Variants in MAD1L1 observed in about 807,000 individuals in gnomAD.
The protein encoded by MAD1L1 is mitotic arrest deficient 1 like 1, also known as mitotic spindle assembly checkpoint protein MAD1.
Under a neutral mutation model 96.9 loss-of-function variants are expected in MAD1L1, and 95 were observed. The observed-to-expected ratio is 0.98, with a 90% CI of 0.83 to 1.16. The LOEUF (loss-of-function observed/expected upper bound fraction) is 1.16. Ranked by LOEUF, MAD1L1 falls within the 50% of genes most tolerant of loss-of-function variation. MAD1L1 has a pLI of 0.00. For missense variants in MAD1L1, 1,007 were observed against 954.4 expected (o/e 1.06, Z -0.73); for synonymous variants, 473 against 396.6 (o/e 1.19, Z -2.29).
intron 11 of MAD1L1, among the ~76,000 whole-genome samples, chr7:2,120,750 G>A (rs1176607619): frequency 6.6e-6 from 1 of 152,222 alleles, no homozygotes; most frequent in Non-Finnish European, 1.5e-5. Context: ...AAGAAAGACA[G>A]GGGGTGCGGG....
chr7:1,833,184 A>G (rs1782792049), intron 18 of MAD1L1, among the ~76,000 whole-genome samples: 1 of 152,256 alleles, frequency 6.6e-6, no homozygotes, highest in Non-Finnish European at 1.5e-5. Flanking sequence ...CATAACTTTT[A>G]TATGCACTGG....
chr7:2,158,645 T>C (rs1789956865), intron 10 of MAD1L1, among the ~76,000 whole-genome samples: 1 of 152,196 alleles, frequency 6.6e-6, no homozygotes, highest in Non-Finnish European at 1.5e-5. Context: ...CATTCACAAC[T>C]GCAAAGTCAC....
chr7:2,100,629 G>A (rs992286309), intron 11 of MAD1L1, among the ~76,000 whole-genome samples: 7 of 152,406 alleles, frequency 4.6e-5, no homozygotes, highest in Middle Eastern at 3.4e-3. Flanking sequence ...ACCGGAAGGC[G>A]TCCTTGGAAA....
chr7:1,958,011 C>T (rs906408589), intron 15 of MAD1L1, among the ~76,000 whole-genome samples: 31 of 152,164 alleles, frequency 2.0e-4, no homozygotes, highest in African/African-American at 5.3e-4. Flanking sequence ...GGAACCAGCC[C>T]GAGGCAGGAC....
Position 2,014,920 on chromosome 7 carries a change from C to T in MAD1L1, c.1219-278G>A, listed in dbSNP as rs571567792. On this transcript the variant is annotated intron_variant, in intron 12 of 18. Transcript: ENST00000265854. ...ACTACAGCGGGTGTGGGCTCCACCT[C>T]GTACCGGCAGTATGGCTATGGGGTC... Among the ~76,000 whole-genome samples the T allele has an allele frequency of 5.8e-4, 88 of 152,364 alleles. 1 individual carries two copies. Among genetic ancestry groups the T allele is most frequent in the Admixed American group, 1.2e-3 (19 of 15,310 alleles).
At chr7:2,012,292 G>A (rs1337532551) in intron 13 of MAD1L1, among the ~76,000 whole-genome samples, 4 of 152,180 alleles carry the variant, frequency 2.6e-5, no homozygotes, top group African/African-American at 9.7e-5. Flanking sequence ...GGCCAGGCCC[G>A]TGACGAGCCA....
At position 1,857,069 on chromosome 7, in the gene MAD1L1, T is replaced by G. The variant is rs560484661; in HGVS notation, c.1999-40841A>C. 2.6e-5 allele frequency among the ~76,000 whole-genome samples: 4 copies of G among 152,204 alleles called. 1 individual carries two copies. The highest frequency in any genetic ancestry group is 2.6e-4 in the Admixed American group (4 of 15,298). On this transcript the variant is annotated intron_variant, in intron 18 of 18. Coordinates refer to ENST00000265854, the MANE Select transcript of MAD1L1 (RefSeq NM_001013836.2). ...CGAGGAGCTGCGGGGAGCAGACTGG[T>G]GGGGCAGGCAGGACAGTGTCAGGGT...
At chr7:2,204,320 G>A (rs913030409) in intron 10 of MAD1L1, among the ~76,000 whole-genome samples, 1 of 152,174 alleles carries the variant, frequency 6.6e-6, no homozygotes, top group African/African-American at 2.4e-5. Context: ...GTCTGCTGTT[G>A]ACAGGCCAGC....
chr7:2,121,808 A>G (rs1411128270), intron 11 of MAD1L1, among the ~76,000 whole-genome samples: 1 of 152,076 alleles, frequency 6.6e-6, no homozygotes, highest in Non-Finnish European at 1.5e-5. Context: ...CTGTCCCTCC[A>G]GACGGTGAGG....
At chr7:1,902,049 G>A (rs1787278632) in intron 17 of MAD1L1, among the ~76,000 whole-genome samples, 1 of 152,194 alleles carries the variant, frequency 6.6e-6, no homozygotes, top group African/African-American at 2.4e-5. Context: ...TGTTCAAGTG[G>A]GAGTCAGAGA....
intron 10 of MAD1L1, 114 bp downstream of exon 10, chr7:2,213,098 C>T: frequency 9.0e-7 from 1 of 1,113,834 alleles, no homozygotes; most frequent in Non-Finnish European, 1.3e-6. Context: ...TGCCCCGCAC[C>T]AGCCACAGAG....
rs551114875 is a variant in MAD1L1 at position 1,986,487 on chromosome 7, G to A, written c.1417-5946C>T. On this transcript the variant is annotated intron_variant, in intron 14 of 18. Coordinates refer to ENST00000265854, the MANE Select transcript of MAD1L1 (RefSeq NM_001013836.2). Reference sequence around the variant, plus strand: ...CGCCGGCAAGGGAGTTCTACTCCGCGGCTCCCTCGCGCCGGCAAGGGGGTT... The same window carrying A: ...CGCCGGCAAGGGAGTTCTACTCCGCAGCTCCCTCGCGCCGGCAAGGGGGTT... Among the ~76,000 whole-genome samples the A allele has an allele frequency of 3.4e-5, 5 of 147,794 alleles. No individual in the cohort carries two copies. The South Asian group carries it at 1.1e-3, about 32-fold the overall frequency.
At chr7:1,881,384 A>C (rs983652639) in intron 18 of MAD1L1, among the ~76,000 whole-genome samples, 1 of 152,226 alleles carries the variant, frequency 6.6e-6, no homozygotes, top group African/African-American at 2.4e-5. Context: ...AAATGGGTTA[A>C]TAATTTATCC....
intron 11 of MAD1L1, among the ~76,000 whole-genome samples, chr7:2,072,298 T>A (rs1785169811): frequency 6.6e-6 from 1 of 152,202 alleles, no homozygotes; most frequent in Non-Finnish European, 1.5e-5. Context: ...CAGAGTCTTC[T>A]GTGTTGACTG....
At chr7:2,205,648 G>A (rs933960957) in intron 10 of MAD1L1, among the ~76,000 whole-genome samples, 2 of 152,126 alleles carry the variant, frequency 1.3e-5, no homozygotes, top group African/African-American at 4.8e-5. Context: ...CACCTCCCTC[G>A]GCTGGCTCTG....
chr7:1,840,492 G>A (rs1327793609), intron 18 of MAD1L1, among the ~76,000 whole-genome samples: 3 of 152,218 alleles, frequency 2.0e-5, no homozygotes, highest in African/African-American at 4.8e-5. Context: ...CACTTTGGGA[G>A]GCCAAGGCAG....
At chr7:2,145,009 T>C (rs1789223965) in intron 11 of MAD1L1, among the ~76,000 whole-genome samples, 2 of 152,138 alleles carry the variant, frequency 1.3e-5, no homozygotes, top group South Asian at 4.1e-4. Flanking sequence ...TTGGTGGTTC[T>C]GACCCAACCC....
At chr7:2,020,924 G>GA (rs796590173) in intron 12 of MAD1L1, among the ~76,000 whole-genome samples, 32 of 150,348 alleles carry the variant, frequency 2.1e-4, no homozygotes, top group Admixed American at 4.6e-4. Context: ...CATAAAAAAT[G>GA]AAAAAAAACA....
chr7:1,962,218 G>T (rs1779984381), intron 15 of MAD1L1, among the ~76,000 whole-genome samples: 1 of 152,240 alleles, frequency 6.6e-6, no homozygotes, highest in Admixed American at 6.5e-5. Context: ...AGTCTCACAA[G>T]ATCTGATTTT....
Sources: gnomAD v4.1 joint callset for allele counts (sites outside exome capture counted in the v4.1 genomes callset) on GRCh38, gnomAD v4.1.1 for gene constraint, MANE v1.5 for transcripts, NCBI Gene and HGNC (gene_info 2026-07-23, HGNC 2026-07-21) for gene names.